Variants in DENND1A observed in about 807,000 individuals in gnomAD.
The protein encoded by DENND1A is DENN domain containing 1A.
Under a neutral mutation model 113.7 loss-of-function variants are expected in DENND1A, and 51 were observed. The ratio of observed to expected loss-of-function variants is 0.45; its 90% CI spans 0.36 to 0.57. The LOEUF (loss-of-function observed/expected upper bound fraction) is 0.57. Ranked by LOEUF, DENND1A falls within the 20% of genes least tolerant of loss-of-function variation. The pLI, the probability that DENND1A is intolerant of heterozygous loss-of-function variation, is 0.00. For synonymous variants in DENND1A, 565 were observed against 570.8 expected, an observed-to-expected ratio of 0.99 and a Z score of 0.14; for missense variants, 1,258 against 1,395.9, an observed-to-expected ratio of 0.90 and a Z score of 1.57.
At position 123,689,000 on chromosome 9, in the gene DENND1A, C is replaced by G. The variant is rs149043431; in HGVS notation, c.303-12211G>C. 3.9e-5 allele frequency among the ~76,000 whole-genome samples: 6 copies of G among 152,278 alleles called. No homozygotes were observed. The East Asian group carries it at 1.2e-3, about 29-fold the overall frequency. ...GATGCTCAGTCAGCAAACCTCCTGGCAGAAATATGTTTCTCTGATGTAAAT... is the reference window on the plus strand; with the variant it reads ...GATGCTCAGTCAGCAAACCTCCTGGGAGAAATATGTTTCTCTGATGTAAAT... On this transcript the variant is annotated intron_variant, in intron 5 of 23. Transcript: ENST00000394215.
At chr9:123,510,626 A>G (rs1397839523) in intron 13 of DENND1A, among the ~76,000 whole-genome samples, 1 of 151,922 alleles carries the variant, frequency 6.6e-6, no homozygotes, top group East Asian at 1.9e-4. Context: ...GGCCTTTTAG[A>G]CTCCATACCA....
At chr9:123,727,286 A>G (rs1178670336) in intron 5 of DENND1A, among the ~76,000 whole-genome samples, 1 of 152,360 alleles carries the variant, frequency 6.6e-6, no homozygotes, top group East Asian at 1.9e-4. Context: ...TGCCTACTAC[A>G]GAGCCTCATT....
chr9:123,406,193 C>T lies in DENND1A; in HGVS notation c.1543-2703G>A, dbSNP rs185364994. The stretch of plus-strand genomic sequence containing the variant: ...CTTGTCAAGCCCTCAGGTCTGCGCA[C>T]GTCTGATCTAACCAAAGTTTTTCCT... On this transcript the variant is annotated intron_variant, in intron 20 of 23. Coordinates refer to ENST00000394215, the MANE Select transcript of DENND1A (RefSeq NM_001352964.2). Among the ~76,000 whole-genome samples, 10 of 152,372 alleles carry T rather than the reference C, an allele frequency of 6.6e-5. No individual in the cohort carries two copies. The East Asian group carries it at 1.5e-3, about 23-fold the overall frequency.
Position 123,739,489 on chromosome 9 carries a change from G to A in DENND1A, c.302+18214C>T, listed in dbSNP as rs563168333. Among the ~76,000 whole-genome samples, 6 of 152,192 alleles carry A rather than the reference G, an allele frequency of 3.9e-5. No individual in the cohort carries two copies. The South Asian group carries it at 1.2e-3, about 32-fold the overall frequency. ...AGAAAGTCAGATTTTAGAGCACCTGGGAGTGATGAATTGAGAAAAGAAATG... is the reference window on the plus strand; with the variant it reads ...AGAAAGTCAGATTTTAGAGCACCTGAGAGTGATGAATTGAGAAAAGAAATG... On this transcript the variant is annotated intron_variant, in intron 5 of 23. Coordinates refer to ENST00000394215, the MANE Select transcript of DENND1A (RefSeq NM_001352964.2).
At chr9:123,588,919 C>A (rs2059329428) in intron 11 of DENND1A, among the ~76,000 whole-genome samples, 1 of 151,978 alleles carries the variant, frequency 6.6e-6, no homozygotes, top group Non-Finnish European at 1.5e-5. Context: ...AGGCGCATGC[C>A]ACCATACCCA....
At chr9:123,613,370 A>T (rs1226351781) in intron 10 of DENND1A, among the ~76,000 whole-genome samples, 3 of 152,206 alleles carry the variant, frequency 2.0e-5, no homozygotes, top group African/African-American at 7.2e-5. Context: ...CATATTCAGA[A>T]TCCAACACAT....
At chr9:123,779,264 T>G (rs2131804553) in intron 3 of DENND1A, among the ~76,000 whole-genome samples, 1 of 152,338 alleles carries the variant, frequency 6.6e-6, no homozygotes, top group South Asian at 2.1e-4. Context: ...TGACGTTCCA[T>G]TAGATGAAGA....
chr9:123,458,006 T>G, intron 13 of DENND1A, 109 bp from the exon 14 acceptor site: 1 of 609,968 alleles, frequency 1.6e-6, no homozygotes, highest in Non-Finnish European at 2.5e-6. Context: ...TTCTTTTCCT[T>G]TTTTTTTTTT....
chr9:123,700,810 T>C (rs2065841323), intron 5 of DENND1A, among the ~76,000 whole-genome samples: 1 of 152,210 alleles, frequency 6.6e-6, no homozygotes, highest in African/African-American at 2.4e-5. Context: ...TCATAACATC[T>C]TGACAACATG....
chr9:123,906,020 C>G (rs1393130552), intron 1 of DENND1A, among the ~76,000 whole-genome samples: 60 of 151,912 alleles, frequency 3.9e-4, no homozygotes, highest in East Asian at 1.7e-3. Flanking sequence ...TCAGACCACA[C>G]TGCAATCAAA....
intron 12 of DENND1A, among the ~76,000 whole-genome samples, chr9:123,568,248 C>T (rs1332712550): frequency 1.3e-5 from 2 of 152,232 alleles, no homozygotes; most frequent in African/African-American, 2.4e-5. Flanking sequence ...TCTGGCTCTC[C>T]TCCTGGCAAT....
At chr9:123,670,161 T>C (rs2063695792) in intron 7 of DENND1A, among the ~76,000 whole-genome samples, 2 of 152,238 alleles carry the variant, frequency 1.3e-5, no homozygotes, top group African/African-American at 4.8e-5. Flanking sequence ...TTCAATTTTA[T>C]CATCATTTTG....
chr9:123,622,022 C>A (rs2138267535), intron 10 of DENND1A, among the ~76,000 whole-genome samples: 1 of 152,288 alleles, frequency 6.6e-6, no homozygotes, highest in Middle Eastern at 3.4e-3. Context: ...ATCTGAGCAT[C>A]CCCACTCTGA....
chr9:123,740,907 A>T (rs113762893), intron 5 of DENND1A, among the ~76,000 whole-genome samples: 18 of 106,544 alleles, frequency 1.7e-4, no homozygotes, highest in African/African-American at 6.2e-4. Context: ...AGTGAGAGAG[A>T]GAGAGAGAGA....
intron 12 of DENND1A, among the ~76,000 whole-genome samples, chr9:123,573,010 T>C (rs1014868404): frequency 2.0e-5 from 3 of 152,102 alleles, no homozygotes; most frequent in Non-Finnish European, 4.4e-5. Context: ...CATATAGATA[T>C]CCAGTTGTTC....
At chr9:123,441,524 T>C (rs549024394) in intron 18 of DENND1A, among the ~76,000 whole-genome samples, 1 of 152,278 alleles carries the variant, frequency 6.6e-6, no homozygotes, top group Non-Finnish European at 1.5e-5. Context: ...AGTCAAATTA[T>C]CAGGAAAAGA....
Position 123,380,451 on chromosome 9 carries a change from G to A in DENND1A, c.*981C>T, listed in dbSNP as rs1257559576. The A allele has an allele frequency of 1.3e-5, 2 of 152,458 alleles. No individual in the cohort carries two copies. Among genetic ancestry groups the A allele is most frequent in the Non-Finnish European group, 2.9e-5 (2 of 68,050 alleles). The allele number at this position is 152,458 out of a possible 1,614,324, so 9.4% of individuals were successfully genotyped here. The stretch of plus-strand genomic sequence containing the variant: ...GAGACCAAGTTTGTCCTTTCTACCT[G>A]GCCCTGGAGAAGGGGCTCAGGGCCA... On this transcript the variant is annotated 3_prime_UTR_variant, in exon 24 of 24. Transcript: ENST00000394215.
At position 123,653,353 on chromosome 9, in the gene DENND1A, A is replaced by T. The variant is rs187245268; in HGVS notation, c.508-1230T>A. On this transcript the variant is annotated intron_variant, in intron 8 of 23. Coordinates refer to ENST00000394215, the MANE Select transcript of DENND1A (RefSeq NM_001352964.2). ...TGTGTAATTGTGCAGTCTTCACAAA[A>T]ATCCAGTGAGGCGTTATTCTTTCCA... 3.9e-5 allele frequency among the ~76,000 whole-genome samples: 6 copies of T among 152,342 alleles called. No individual in the cohort carries two copies. In the East Asian group the frequency reaches 7.7e-4, roughly 20 times the overall value.
chr9:123,817,950 C>G (rs1185416523), intron 2 of DENND1A, among the ~76,000 whole-genome samples: 3 of 151,512 alleles, frequency 2.0e-5, no homozygotes, highest in Non-Finnish European at 4.4e-5. Context: ...TCGCTTAAAC[C>G]TGGGAGGCGG....
Sources: allele counts gnomAD v4.1 joint callset (sites outside exome capture counted in the v4.1 genomes callset), GRCh38; gene constraint gnomAD v4.1.1; transcripts MANE v1.5; gene names NCBI Gene and HGNC (gene_info 2026-07-23, HGNC 2026-07-21).